The following ADAM23 variants were observed in gnomAD, a reference collection of about 807,000 sequenced individuals.
ADAM23 encodes the protein disintegrin and metalloproteinase domain-containing protein 23.
A neutral mutation model predicts 120.1 loss-of-function variants in ADAM23; 33 were observed. The observed-to-expected ratio is 0.27, with a 90% CI of 0.21 to 0.37. The LOEUF (loss-of-function observed/expected upper bound fraction) is 0.37, where lower values mean the gene tolerates loss of function less well. Ranked by LOEUF, ADAM23 falls within the 10% of genes least tolerant of loss-of-function variation. The pLI is 1.00. For synonymous variants in ADAM23, 367 were observed against 375.2 expected (o/e 0.98, Z 0.25); for missense variants, 862 against 1,058.2 (o/e 0.81, Z 2.57).
intron 14 of ADAM23, among the ~76,000 whole-genome samples, chr2:206,565,980 C>T (rs1697869132): frequency 6.6e-6 from 1 of 152,090 alleles, no homozygotes; most frequent in African/African-American, 2.4e-5. Context: ...GAACGCATTT[C>T]TAGAAATAGA....
intron 2 of ADAM23, among the ~76,000 whole-genome samples, chr2:206,478,134 T>C (rs1485003789): frequency 6.6e-6 from 1 of 151,824 alleles, no homozygotes; most frequent in Non-Finnish European, 1.5e-5. Flanking sequence ...TTGTCAGGTA[T>C]TTATTTTGGT....
intron 2 of ADAM23, among the ~76,000 whole-genome samples, chr2:206,466,578 A>G (rs1438784932): frequency 6.6e-6 from 1 of 152,104 alleles, no homozygotes; most frequent in East Asian, 1.9e-4. Flanking sequence ...ATATGCCCTT[A>G]TTTACTCATT....
chr2:206,507,474 C>G (rs74330542), intron 3 of ADAM23, among the ~76,000 whole-genome samples: 124 of 152,274 alleles, frequency 8.1e-4, no homozygotes, highest in Non-Finnish European at 1.4e-3. Context: ...CCTTCACCTT[C>G]CACTGTGATT....
At chr2:206,596,752 TC>T (rs1320044201) in intron 24 of ADAM23, among the ~76,000 whole-genome samples, 1 of 152,150 alleles carries the variant, frequency 6.6e-6, no homozygotes, top group East Asian at 1.9e-4. Context: ...AGGACCACTC[TC>T]TATTTTCGCA....
chr2:206,608,691 G>A (rs1243522156), intron 24 of ADAM23, among the ~76,000 whole-genome samples: 1 of 152,064 alleles, frequency 6.6e-6, no homozygotes, highest in African/African-American at 2.4e-5. Flanking sequence ...CCCCGAGACT[G>A]TATTGCAGCT....
At chr2:206,467,316 C>T (rs1695561340) in intron 2 of ADAM23, among the ~76,000 whole-genome samples, 1 of 152,172 alleles carries the variant, frequency 6.6e-6, no homozygotes, top group Admixed American at 6.5e-5. Flanking sequence ...AAAATCAAAA[C>T]CAAGATAGTT....
chr2:206,514,021 A>G (rs1435454965), intron 3 of ADAM23, among the ~76,000 whole-genome samples: 2 of 152,212 alleles, frequency 1.3e-5, no homozygotes, highest in African/African-American at 4.8e-5. Context: ...CTGCTCATTG[A>G]CAATGCACCT....
intron 2 of ADAM23, among the ~76,000 whole-genome samples, chr2:206,463,534 G>A (rs1229834616): frequency 6.6e-6 from 1 of 152,214 alleles, no homozygotes; most frequent in Non-Finnish European, 1.5e-5. Context: ...AGGGAAATTT[G>A]TTAGGGTAGC....
chr2:206,476,914 G>A (rs1289537828), intron 2 of ADAM23, among the ~76,000 whole-genome samples: 1 of 152,150 alleles, frequency 6.6e-6, no homozygotes, highest in Non-Finnish European at 1.5e-5. Flanking sequence ...GCCAAGTAGT[G>A]AAGAATACTG....
chr2:206,477,897 A>AAAAAAAATATATATATAT (rs374524658), intron 2 of ADAM23, among the ~76,000 whole-genome samples: 3 of 93,602 alleles, frequency 3.2e-5, no homozygotes, highest in Admixed American at 1.3e-4. Context: ...AAAAAAAAAA[A>AAAAAAAATATATATATAT]ATATATATAT....
chr2:206,459,077 A>G (rs9967850), intron 2 of ADAM23, among the ~76,000 whole-genome samples: 9,379 of 152,268 alleles, frequency 0.062, 681 homozygotes, highest in African/African-American at 0.18. Flanking sequence ...CTTATAAATT[A>G]TGGCTAAAAT....
intron 25 of ADAM23, among the ~76,000 whole-genome samples, chr2:206,616,679 C>T (rs1559291310): frequency 6.6e-6 from 1 of 151,752 alleles, no homozygotes; most frequent in Non-Finnish European, 1.5e-5. Flanking sequence ...GGAGTGAGGG[C>T]TTTGGGGACT....
chr2:206,602,828 A>G (rs562065041), intron 24 of ADAM23, among the ~76,000 whole-genome samples: 1 of 152,330 alleles, frequency 6.6e-6, no homozygotes, highest in Middle Eastern at 3.4e-3. Flanking sequence ...TTTTAGCACA[A>G]GTAAACCTAG....
At chr2:206,557,091 T>G (rs561882651) in intron 9 of ADAM23, among the ~76,000 whole-genome samples, 1 of 152,128 alleles carries the variant, frequency 6.6e-6, no homozygotes, top group Admixed American at 6.5e-5. Context: ...GTTTTTTTGT[T>G]TTTTTTTGAA....
chr2:206,477,895 A>ATATATATATATATATATATATATAT (rs1553548627), intron 2 of ADAM23, among the ~76,000 whole-genome samples: 19 of 102,122 alleles, frequency 1.9e-4, no homozygotes, highest in African/African-American at 5.5e-4. Flanking sequence ...AAAAAAAAAA[A>ATATATATATATATATATATATATAT]AAATATATAT....
intron 3 of ADAM23, among the ~76,000 whole-genome samples, chr2:206,500,107 A>G (rs772233852): frequency 2.0e-5 from 3 of 152,132 alleles, no homozygotes; most frequent in Non-Finnish European, 4.4e-5. Context: ...TTTATGCAGA[A>G]AATTCTTTCT....
At chr2:206,539,325 G>A (rs970447626) in intron 4 of ADAM23, among the ~76,000 whole-genome samples, 10 of 152,146 alleles carry the variant, frequency 6.6e-5, no homozygotes, top group Non-Finnish European at 1.0e-4. Context: ...GGTGCACAGA[G>A]ACTTGTGTCA....
At chr2:206,550,578 A>G (rs1267447644) in intron 9 of ADAM23, among the ~76,000 whole-genome samples, 1 of 150,692 alleles carries the variant, frequency 6.6e-6, no homozygotes, top group Non-Finnish European at 1.5e-5. Context: ...TCTAAAGTGA[A>G]TATCTTTGAT....
At chr2:206,477,209 A>C (rs1695792364) in intron 2 of ADAM23, among the ~76,000 whole-genome samples, 1 of 152,230 alleles carries the variant, frequency 6.6e-6, no homozygotes, top group Non-Finnish European at 1.5e-5. Flanking sequence ...TAGCTTTCTT[A>C]AAGTTATTTA....
Sources: gnomAD v4.1 joint callset for allele counts (sites outside exome capture counted in the v4.1 genomes callset) on GRCh38, gnomAD v4.1.1 for gene constraint, MANE v1.5 for transcripts, NCBI Gene and HGNC (gene_info 2026-07-23, HGNC 2026-07-21) for gene names.